GRAMD2B: variants seen among roughly 807,000 people sequenced by gnomAD.
GRAMD2B encodes the protein GRAM domain containing 2B.
Under a neutral mutation model 59.2 loss-of-function variants are expected in GRAMD2B, and 41 were observed. The ratio of observed to expected loss-of-function variants is 0.69; its 90% CI spans 0.54 to 0.90. The LOEUF is 0.90. GRAMD2B is among the 40% of genes least tolerant of loss of function. GRAMD2B has a pLI of 0.00. For missense variants in GRAMD2B, 424 were observed against 500.5 expected (o/e 0.85, Z 1.46); for synonymous variants, 161 against 182.7 (o/e 0.88, Z 0.96).
chr5:126,471,399 A>G (rs867050644), intron 3 of GRAMD2B, among the ~76,000 whole-genome samples: 2 of 152,208 alleles, frequency 1.3e-5, no homozygotes, highest in Non-Finnish European at 2.9e-5. Context: ...TAATAGCTAT[A>G]TGATGCAGGT....
chr5:126,466,163 C>T, intron 2 of GRAMD2B: 3 of 1,414,528 alleles, frequency 2.1e-6, no homozygotes, highest in Non-Finnish European at 2.8e-6. Flanking sequence ...TGCAGTTTAT[C>T]TAAACTGAGT....
At chr5:126,362,165 G>T (rs1561449368) in intron 1 of GRAMD2B, among the ~76,000 whole-genome samples, 2 of 152,122 alleles carry the variant, frequency 1.3e-5, no homozygotes, top group Non-Finnish European at 2.9e-5. Context: ...CCTGACTCAC[G>T]TGTTAAAAGA....
chr5:126,418,706 T>C (rs2149770611), upstream of GRAMD2B, among the ~76,000 whole-genome samples: 1 of 152,346 alleles, frequency 6.6e-6, no homozygotes, highest in African/African-American at 2.4e-5. Context: ...TTTCTTCATA[T>C]TGACATAAAT....
rs535001916 is a variant in GRAMD2B at position 126,409,686 on chromosome 5, G to A, written c.125+38119G>A. On this transcript the variant is annotated intron_variant, in intron 1 of 8. Coordinates refer to the GRAMD2B transcript ENST00000506445. ...GTCTTTTGCTGTGCAGAAGCTCTTT[G>A]GTTTAACTAGATCCCATTTGTCAAT... Among the ~76,000 whole-genome samples the A allele has an allele frequency of 5.5e-4, 84 of 151,984 alleles. 1 individual carries two copies. The South Asian group carries it at 0.016, about 29-fold the overall frequency.
chr5:126,452,968 C>T (rs1765630887), intron 1 of GRAMD2B, among the ~76,000 whole-genome samples: 1 of 152,106 alleles, frequency 6.6e-6, no homozygotes, highest in African/African-American at 2.4e-5. Context: ...CTTTCCTAAA[C>T]ACAGTCTTCA....
In GRAMD2B at chr5:126,477,734, A is replaced by G; in HGVS notation, c.529A>G (p.Lys177Glu). ...AFSVTLIKKT[K>E]TALLVPNALI... ...CTCGGTAACCCTAATAAAGAAAACC[A>G]AAACTGCTCTTCTAGTGCCAAACGC... Residue 177 changes from lysine (K) to glutamate (E), a missense_variant, in exon 6 of 14, where the codon AAA (lysine) becomes GAA (glutamate). Physicochemically the swap from Lys to Glu is moderately conservative, Grantham distance 56. Transcript: ENST00000285689. 3 of 1,613,082 alleles carry G rather than the reference A, an allele frequency of 1.9e-6. No homozygotes were observed. Among genetic ancestry groups the G allele is most frequent in the Non-Finnish European group, 2.5e-6 (3 of 1,179,032 alleles).
intron 1 of GRAMD2B, among the ~76,000 whole-genome samples, chr5:126,411,558 T>G (rs1381944001): frequency 6.6e-6 from 1 of 152,182 alleles, no homozygotes; most frequent in African/African-American, 2.4e-5. Context: ...CTTTGTTCTT[T>G]TTGCTCACAA....
chr5:126,379,872 C>G (rs912773071), intron 1 of GRAMD2B, among the ~76,000 whole-genome samples: 1 of 152,102 alleles, frequency 6.6e-6, no homozygotes. Flanking sequence ...GTTTACTCTG[C>G]TGATTATTTC....
chr5:126,447,414 G>A (rs895896996), intron 1 of GRAMD2B, among the ~76,000 whole-genome samples: 3 of 152,184 alleles, frequency 2.0e-5, no homozygotes, highest in African/African-American at 7.2e-5. Context: ...TGTAATCCCA[G>A]CACTTTGGGA....
At chr5:126,463,817 G>A (rs577245202) in intron 1 of GRAMD2B, among the ~76,000 whole-genome samples, 7 of 152,142 alleles carry the variant, frequency 4.6e-5, no homozygotes, top group Admixed American at 2.6e-4. Flanking sequence ...TCAGGAGTTC[G>A]AGACCAGCCT....
rs1183813378 is a variant in GRAMD2B at position 126,480,542 on chromosome 5, C to T, written c.654+15C>T. On this transcript the variant is annotated intron_variant, in intron 7 of 13. Coordinates refer to ENST00000285689, the MANE Select transcript of GRAMD2B (RefSeq NM_023927.4). ...GACACTTAGAAGTGAGTATGATGTC[C>T]CTGAGCCTCAATTACTGTCTCTCTT... 1 of 1,609,412 alleles carries T rather than the reference C, an allele frequency of 6.2e-7. No homozygotes were observed. The highest frequency in any genetic ancestry group is 1.7e-5 in the Admixed American group (1 of 59,992).
chr5:126,477,426 A>G (rs771866020), intron 5 of GRAMD2B, among the ~76,000 whole-genome samples: 5 of 152,078 alleles, frequency 3.3e-5, no homozygotes, highest in Admixed American at 6.6e-5. Context: ...TTCTATTTCC[A>G]TGTCTGAAGA....
upstream of GRAMD2B, among the ~76,000 whole-genome samples, chr5:126,369,510 G>T (rs1580672912): frequency 6.6e-6 from 1 of 152,218 alleles, no homozygotes; most frequent in East Asian, 1.9e-4. Flanking sequence ...CTAATTCACT[G>T]CCTTTCTATC....
In GRAMD2B at chr5:126,382,736, A is replaced by T. The variant is rs187668430; in HGVS notation, c.125+11169A>T. ...GGTTTGGATCCATTGCTGGTAAGCT[A>T]ATATGATCTTTTGGGGGTGTTAAAA... On this transcript the variant is annotated intron_variant, in intron 1 of 8. Transcript: ENST00000506445. 2.0e-5 allele frequency among the ~76,000 whole-genome samples: 3 copies of T among 152,298 alleles called. No individual in the cohort carries two copies. In the East Asian group the frequency reaches 5.8e-4, roughly 29 times the overall value.
intron 1 of GRAMD2B, among the ~76,000 whole-genome samples, chr5:126,434,561 A>G (rs926136051): frequency 6.6e-6 from 1 of 151,628 alleles, no homozygotes; most frequent in African/African-American, 2.4e-5. Context: ...TCTGTCACCC[A>G]GGCTGGAGTG....
chr5:126,482,757 T>G (rs1772129492), intron 8 of GRAMD2B, among the ~76,000 whole-genome samples: 1 of 152,230 alleles, frequency 6.6e-6, no homozygotes, highest in South Asian at 2.1e-4. Flanking sequence ...ATTTGGCAGC[T>G]GACTAAATTG....
rs1415269711 is a variant in GRAMD2B at position 126,493,083 on chromosome 5, A to T, written c.*127A>T. 5 of 680,498 alleles carry T rather than the reference A, an allele frequency of 7.3e-6. No individual in the cohort carries two copies. Among genetic ancestry groups the T allele is most frequent in the Non-Finnish European group, 1.1e-5 (4 of 379,088 alleles). The allele number at this position is 680,498 out of a possible 1,614,324, so 42.2% of individuals were successfully genotyped here. On this transcript the variant is annotated 3_prime_UTR_variant, in exon 14 of 14. Transcript: ENST00000285689. The stretch of plus-strand genomic sequence containing the variant: ...AAGCAGATGAGAATCCAGACATTGC[A>T]TGTGGAGGTCTCCAGCTCAGGAAAG...
intron 1 of GRAMD2B, among the ~76,000 whole-genome samples, chr5:126,410,502 G>A (rs1304209939): frequency 5.9e-5 from 9 of 151,846 alleles, no homozygotes; most frequent in Non-Finnish European, 1.2e-4. Context: ...TCTGTTATTG[G>A]TGTATAAGAA....
chr5:126,469,431 C>T (rs1194216469), intron 2 of GRAMD2B, among the ~76,000 whole-genome samples: 3 of 152,062 alleles, frequency 2.0e-5, no homozygotes, highest in East Asian at 1.9e-4. Context: ...TGCTTAAGTC[C>T]GGGAGTTCAA....
Sources: allele counts gnomAD v4.1 joint callset (sites outside exome capture counted in the v4.1 genomes callset), GRCh38; gene constraint gnomAD v4.1.1; transcripts MANE v1.5; gene names NCBI Gene and HGNC (gene_info 2026-07-23, HGNC 2026-07-21).